Variants in SYNPR observed in about 807,000 individuals in gnomAD.
The protein encoded by SYNPR is synaptoporin.
A neutral mutation model predicts 32.9 loss-of-function variants in SYNPR; 23 were observed. The observed-to-expected ratio is 0.70, with a 90% CI of 0.50 to 0.99. The LOEUF is 0.99. Ranked by LOEUF, SYNPR falls within the 50% of genes least tolerant of loss-of-function variation. SYNPR has a pLI of 0.00. For synonymous variants in SYNPR, 146 were observed against 135.9 expected (o/e 1.07, Z -0.52); for missense variants, 318 against 349.3 (o/e 0.91, Z 0.71).
chr3:63,379,688 TC>T, intron 2 of SYNPR, among the ~76,000 whole-genome samples: 1 of 152,194 alleles, frequency 6.6e-6, no homozygotes, highest in Non-Finnish European at 1.5e-5. Context: ...TCTTTTGCTT[TC>T]TTTTTTTTAT....
chr3:63,308,694 T>C (rs945522781), intron 2 of SYNPR, among the ~76,000 whole-genome samples: 1 of 151,974 alleles, frequency 6.6e-6, no homozygotes, highest in Non-Finnish European at 1.5e-5. Flanking sequence ...CTTATCTTTG[T>C]TCCTCTGTAC....
At position 63,254,161 on chromosome 3, in the gene SYNPR, C is replaced by T. The variant is rs533719219; in HGVS notation, n.154+1575C>T. 5.9e-5 allele frequency among the ~76,000 whole-genome samples: 9 copies of T among 151,918 alleles called. No homozygotes were observed. The South Asian group carries it at 1.7e-3, about 28-fold the overall frequency. ...GGAAGGGGAACATCACACACCGGGGCGTGTTGTGGGGTGGGGGGAGAGGGA... is the reference window on the plus strand; with the variant it reads ...GGAAGGGGAACATCACACACCGGGGTGTGTTGTGGGGTGGGGGGAGAGGGA... On this transcript the variant is annotated intron_variant and non_coding_transcript_variant, in intron 2 of 4. Transcript: ENST00000478456.
intron 2 of SYNPR, among the ~76,000 whole-genome samples, chr3:63,478,054 G>A (rs1349981068): frequency 6.6e-6 from 1 of 152,188 alleles, no homozygotes; most frequent in African/African-American, 2.4e-5. Flanking sequence ...TAACCTGGAA[G>A]CCCATAGGTA....
intron 4 of SYNPR, among the ~76,000 whole-genome samples, chr3:63,579,208 G>A (rs1482290062): frequency 2.0e-5 from 3 of 151,988 alleles, no homozygotes; most frequent in African/African-American, 7.3e-5. Context: ...CCCATTTTAG[G>A]CAAATAAATT....
intron 2 of SYNPR, among the ~76,000 whole-genome samples, chr3:63,324,379 G>T (rs2087142002): frequency 6.6e-6 from 1 of 152,140 alleles, no homozygotes; most frequent in Admixed American, 6.5e-5. Flanking sequence ...GGCTAAGCCA[G>T]GAAATTTGCA....
intron 3 of SYNPR, among the ~76,000 whole-genome samples, chr3:63,496,822 A>AT (rs35969779): frequency 0.6 from 91,768 of 151,888 alleles, 27,937 homozygotes; most frequent in African/African-American, 0.67. Context: ...CAGTTGTTTT[A>AT]TGTCAATATT....
At chr3:63,489,745 T>C (rs994945005) in intron 3 of SYNPR, among the ~76,000 whole-genome samples, 3 of 152,154 alleles carry the variant, frequency 2.0e-5, no homozygotes, top group African/African-American at 7.2e-5. Context: ...GTACATATTT[T>C]TACAGTTGTA....
chr3:63,595,722 TATATATATATATATATATATA>T lies in SYNPR; in HGVS notation c.409-13402_409-13382del. Among the ~76,000 whole-genome samples the T allele has an allele frequency of 4.7e-4, 3 of 6,352 alleles. No individual in the cohort carries two copies. In the South Asian group the frequency reaches 0.022, roughly 47 times the overall value. 4.2% of individuals were successfully genotyped at this position (6,352 alleles called of 152,430 possible). On this transcript the variant is annotated intron_variant, in intron 4 of 5. Transcript: ENST00000478300. ...TGGGACTTCTGAATCTTATTTTATA[TATATATATATATATATATATA>T]TATATATATATATATATATATATAT... is the stretch of plus-strand genomic sequence containing the variant.
chr3:63,357,862 C>T (rs888945992), intron 2 of SYNPR, among the ~76,000 whole-genome samples: 21 of 152,198 alleles, frequency 1.4e-4, no homozygotes, highest in African/African-American at 5.1e-4. Context: ...AATGTATTGG[C>T]AACCTGACAT....
intron 2 of SYNPR, among the ~76,000 whole-genome samples, chr3:63,446,432 G>A (rs758856102): frequency 1.3e-5 from 2 of 152,036 alleles, no homozygotes; most frequent in African/African-American, 2.4e-5. Flanking sequence ...TGACAAAGAC[G>A]AAATTCAGAG....
chr3:63,528,055 A>G (rs921467269), intron 3 of SYNPR, among the ~76,000 whole-genome samples: 1 of 152,178 alleles, frequency 6.6e-6, no homozygotes, highest in Non-Finnish European at 1.5e-5. Context: ...CCACATGTTC[A>G]TATCTGATTT....
In SYNPR at chr3:63,615,580, G is replaced by A; in HGVS notation, c.*99G>A. The A allele has an allele frequency of 6.9e-7, 1 of 1,444,784 alleles. No homozygotes were observed. The highest frequency in any genetic ancestry group is 9.3e-7 in the Non-Finnish European group (1 of 1,079,492). The allele number at this position is 1,444,784 out of a possible 1,614,324, so 89.5% of individuals were successfully genotyped here. On this transcript the variant is annotated 3_prime_UTR_variant, in exon 6 of 6. Transcript: ENST00000478300. The stretch of plus-strand genomic sequence containing the variant: ...TTTCAATCAATTATTAATGCAGAGA[G>A]TATTGAATGTAAATCAGAGCTCTCT...
intron 2 of SYNPR, among the ~76,000 whole-genome samples, chr3:63,293,388 A>G (rs1288214941): frequency 6.6e-6 from 1 of 152,236 alleles, no homozygotes; most frequent in Non-Finnish European, 1.5e-5. Flanking sequence ...CAATCACAAA[A>G]TAAGCAAAAA....
chr3:63,309,868 TC>T (rs1402773319), intron 2 of SYNPR, among the ~76,000 whole-genome samples: 1 of 151,990 alleles, frequency 6.6e-6, no homozygotes, highest in East Asian at 1.9e-4. Flanking sequence ...GGTTCTAGTT[TC>T]CCAGACATGC....
At chr3:63,318,738 C>T (rs181932722) in intron 2 of SYNPR, among the ~76,000 whole-genome samples, 70 of 152,044 alleles carry the variant, frequency 4.6e-4, no homozygotes, top group African/African-American at 1.5e-3. Flanking sequence ...AATAGCTAAC[C>T]TCTTGAATTC....
the SYNPR span, among the ~76,000 whole-genome samples, chr3:63,219,082 G>C: frequency 6.6e-6 from 1 of 152,134 alleles, no homozygotes; most frequent in Non-Finnish European, 1.5e-5. Flanking sequence ...GTCAAGATAA[G>C]TTCTATGAAG....
At chr3:63,446,757 G>T (rs1043984195) in intron 2 of SYNPR, among the ~76,000 whole-genome samples, 20 of 151,972 alleles carry the variant, frequency 1.3e-4, no homozygotes, top group African/African-American at 4.3e-4. Flanking sequence ...CAAACAAACC[G>T]CTAACAAGCA....
intron 3 of SYNPR, among the ~76,000 whole-genome samples, chr3:63,513,250 T>C (rs747501678): frequency 2.7e-5 from 4 of 149,118 alleles, no homozygotes; most frequent in Non-Finnish European, 5.9e-5. Flanking sequence ...GAAATCTCAC[T>C]GTGTTGCCCA....
intron 2 of SYNPR, among the ~76,000 whole-genome samples, chr3:63,449,568 C>T (rs993429412): frequency 6.6e-6 from 1 of 152,182 alleles, no homozygotes; most frequent in Non-Finnish European, 1.5e-5. Context: ...TGCCAAATTG[C>T]CCCTGGCTGA....
Sources: gnomAD v4.1 joint callset for allele counts (sites outside exome capture counted in the v4.1 genomes callset) on GRCh38, gnomAD v4.1.1 for gene constraint, MANE v1.5 for transcripts, NCBI Gene and HGNC (gene_info 2026-07-23, HGNC 2026-07-21) for gene names.